Variants in NPAS2 observed in about 807,000 individuals in gnomAD.
The protein encoded by NPAS2 is neuronal PAS domain protein 2.
A neutral mutation model predicts 107.5 loss-of-function variants in NPAS2; 23 were observed. That is an observed-to-expected ratio of 0.21 (90% CI 0.15 to 0.30). The LOEUF is 0.30. Among genes scored for constraint, NPAS2 ranks in the 10% least tolerant of loss-of-function variants. The pLI, the probability that NPAS2 is intolerant of heterozygous loss-of-function variation, is 1.00. For synonymous variants in NPAS2, 403 were observed against 417.5 expected, an observed-to-expected ratio of 0.97 and a Z score of 0.42; for missense variants, 756 against 1,043.3, an observed-to-expected ratio of 0.72 and a Z score of 3.79.
intron 3 of NPAS2, among the ~76,000 whole-genome samples, chr2:100,931,316 C>T (rs774836087): frequency 3.3e-5 from 5 of 152,040 alleles, no homozygotes; most frequent in Admixed American, 6.6e-5. Context: ...TCTTTTCTGC[C>T]CCTTTAAACT....
At chr2:100,929,473 C>T (rs1558881407) in intron 3 of NPAS2, among the ~76,000 whole-genome samples, 1 of 152,190 alleles carries the variant, frequency 6.6e-6, no homozygotes, top group Non-Finnish European at 1.5e-5. Context: ...ACATTTGAAT[C>T]ACCTGAAGAG....
chr2:100,875,461 T>TACACAC (rs56331462), intron 1 of NPAS2, among the ~76,000 whole-genome samples: 2,474 of 143,628 alleles, frequency 0.017, 76 homozygotes, highest in African/African-American at 0.055. Context: ...ATTAAAAGCT[T>TACACAC]ACACACACAC....
intron 18 of NPAS2, 51 bp downstream of exon 18, chr2:100,990,497 T>C (rs754121507): frequency 6.4e-7 from 1 of 1,573,116 alleles, no homozygotes; most frequent in Non-Finnish European, 8.7e-7. Context: ...TTTTACCCCA[T>C]TCATTTCAGC....
At chr2:100,960,619 G>A (rs373498504) in intron 7 of NPAS2, among the ~76,000 whole-genome samples, 4 of 151,928 alleles carry the variant, frequency 2.6e-5, no homozygotes, top group Non-Finnish European at 4.4e-5. Flanking sequence ...TGTATCAGTC[G>A]GGCAGTGAGC....
At chr2:100,899,942 A>G (rs749140304) in intron 1 of NPAS2, among the ~76,000 whole-genome samples, 2 of 152,198 alleles carry the variant, frequency 1.3e-5, no homozygotes, top group Non-Finnish European at 2.9e-5. Context: ...CCAACACTAC[A>G]CATAAAATTT....
At chr2:100,868,800 T>C (rs1679393267) in intron 1 of NPAS2, among the ~76,000 whole-genome samples, 2 of 152,234 alleles carry the variant, frequency 1.3e-5, no homozygotes, top group South Asian at 4.1e-4. Flanking sequence ...AATAAATTCT[T>C]ATTCCAGAAA....
At chr2:100,875,013 C>T (rs1353482148) in intron 1 of NPAS2, among the ~76,000 whole-genome samples, 2 of 152,126 alleles carry the variant, frequency 1.3e-5, no homozygotes, top group Non-Finnish European at 2.9e-5. Context: ...CCAAGACATA[C>T]AACAGGTTGA....
intron 1 of NPAS2, among the ~76,000 whole-genome samples, chr2:100,862,854 C>T (rs1679028568): frequency 6.6e-6 from 1 of 152,196 alleles, no homozygotes; most frequent in South Asian, 2.1e-4. Context: ...CCTCCCCAGA[C>T]CAGACATGGC....
At chr2:100,879,559 T>C (rs1573530472) in intron 1 of NPAS2, among the ~76,000 whole-genome samples, 1 of 152,170 alleles carries the variant, frequency 6.6e-6, no homozygotes, top group East Asian at 1.9e-4. Flanking sequence ...TCTCTGTTTT[T>C]TTAATTCCGC....
chr2:100,875,229 T>C (rs1470450849), intron 1 of NPAS2, among the ~76,000 whole-genome samples: 1 of 151,870 alleles, frequency 6.6e-6, no homozygotes, highest in Non-Finnish European at 1.5e-5. Flanking sequence ...TCACTTAGAG[T>C]TGTCAGATTC....
At chr2:100,986,698 A>G (rs1443904135) in intron 16 of NPAS2, 2 of 152,248 alleles carry the variant, frequency 1.3e-5, no homozygotes, top group African/African-American at 4.8e-5. Flanking sequence ...GAGTCAACTG[A>G]CAGATTCCGT....
chr2:100,871,106 C>G (rs1023886995), intron 1 of NPAS2, among the ~76,000 whole-genome samples: 25 of 152,310 alleles, frequency 1.6e-4, no homozygotes, highest in Admixed American at 9.2e-4. Context: ...TGGCCAACCA[C>G]TGCCTGTGGG....
chr2:100,907,153 TC>T (rs747968629), intron 2 of NPAS2, among the ~76,000 whole-genome samples: 5 of 152,060 alleles, frequency 3.3e-5, no homozygotes, highest in Admixed American at 6.6e-5. Flanking sequence ...ACCGCTTACC[TC>T]TAAATCAGGA....
chr2:100,823,233 CAT>C (rs1301353956), intron 1 of NPAS2, among the ~76,000 whole-genome samples: 2 of 152,104 alleles, frequency 1.3e-5, no homozygotes, highest in African/African-American at 2.4e-5. Flanking sequence ...ACTAAATAAA[CAT>C]GTATTAAATA....
intron 7 of NPAS2, among the ~76,000 whole-genome samples, chr2:100,952,514 A>G (rs1300255219): frequency 6.6e-6 from 1 of 152,148 alleles, no homozygotes; most frequent in Non-Finnish European, 1.5e-5. Flanking sequence ...CAGTAAGCCA[A>G]GATTGCACCA....
chr2:100,821,574 C>A (rs1676073287), intron 1 of NPAS2, among the ~76,000 whole-genome samples: 1 of 152,162 alleles, frequency 6.6e-6, no homozygotes, highest in African/African-American at 2.4e-5. Context: ...AAGGTTTTTC[C>A]TGTTTGAACT....
chr2:100,959,217 C>G (rs1675777224), intron 7 of NPAS2, among the ~76,000 whole-genome samples: 1 of 151,838 alleles, frequency 6.6e-6, no homozygotes, highest in Admixed American at 6.6e-5. Flanking sequence ...CTGCAGTGAG[C>G]CAAGATCGCA....
intron 1 of NPAS2, among the ~76,000 whole-genome samples, chr2:100,890,392 T>A (rs1409297192): frequency 5.9e-5 from 9 of 152,058 alleles, no homozygotes; most frequent in Non-Finnish European, 1.2e-4. Context: ...TCCTTGATAG[T>A]TTCTACCCCT....
chr2:100,953,422 T>C (rs1309543219), intron 7 of NPAS2, among the ~76,000 whole-genome samples: 5 of 151,060 alleles, frequency 3.3e-5, no homozygotes, highest in Non-Finnish European at 7.4e-5. Flanking sequence ...TTGCCAACAT[T>C]TAACCACCGT....
Sources: allele counts gnomAD v4.1 joint callset (sites outside exome capture counted in the v4.1 genomes callset), GRCh38; gene constraint gnomAD v4.1.1; transcripts MANE v1.5; gene names NCBI Gene and HGNC (gene_info 2026-07-23, HGNC 2026-07-21).